Variants in PFKFB3 observed in about 807,000 individuals in gnomAD.
PFKFB3 encodes the protein 6-phosphofructo-2-kinase/fructose-2,6-bisphosphatase 3.
PFKFB3 carries 33 observed loss-of-function variants against 68.0 expected under a neutral mutation model. That is an observed-to-expected ratio of 0.49 (90% CI 0.37 to 0.65). The LOEUF (loss-of-function observed/expected upper bound fraction) is 0.65. Ranked by LOEUF, PFKFB3 falls within the 30% of genes least tolerant of loss-of-function variation. The pLI, the probability that PFKFB3 is intolerant of heterozygous loss-of-function variation, is 0.00. For synonymous variants in PFKFB3, 315 were observed against 288.2 expected (o/e 1.09, Z -0.94); for missense variants, 586 against 712.2 (o/e 0.82, Z 2.02).
In PFKFB3 at chr10:6,177,400, CTT is replaced by C. The variant is rs1842519885; in HGVS notation, c.16+32389_16+32390del. On this transcript the variant is annotated intron_variant, in intron 1 of 14. Coordinates refer to the PFKFB3 transcript ENST00000379789. ...TCTTTCTTTCTTTCTTTCTTTCTTT[CTT>C]TCTTTCTTCTTTCTCTTTCTTCCTT... Among the ~76,000 whole-genome samples the C allele has an allele frequency of 1.7e-3, 228 of 137,676 alleles. 1 individual carries two copies. The highest frequency in any genetic ancestry group is 0.015 in the Middle Eastern group (4 of 266). The allele number at this position is 137,676 out of a possible 152,430, so 90.3% of individuals were successfully genotyped here. A position where few individuals can be genotyped will look rare whatever the true frequency, so the allele number is the denominator to read the frequency against.
rs1295453323 is a variant in PFKFB3 at position 6,215,390 on chromosome 10, A to G, written c.299+73A>G. The G allele has an allele frequency of 1.2e-5, 14 of 1,130,402 alleles. No individual in the cohort carries two copies. The highest frequency in any genetic ancestry group is 1.7e-5 in the Non-Finnish European group (13 of 763,274). The allele number at this position is 1,130,402 out of a possible 1,614,324, so 70.0% of individuals were successfully genotyped here. ...GGCCGCGGGCATAAGGCTGGGCTGC[A>G]GGAGTAAGGCTGGGCCGCGGGCGTA... On this transcript the variant is annotated intron_variant, in intron 3 of 14. Transcript: ENST00000379775. This position sits in a 1 kb window ranked among gnomAD's most constrained non-coding sequence, Gnocchi z 4.3.
Position 6,233,066 on chromosome 10 carries a change from G to A in PFKFB3, c.*124G>A. 1.3e-6 allele frequency: 1 copy of A among 773,886 alleles called. No individual in the cohort carries two copies. Among genetic ancestry groups the A allele is most frequent in the Non-Finnish European group, 2.2e-6 (1 of 447,854 alleles). 47.9% of individuals were successfully genotyped at this position (773,886 alleles called of 1,614,324 possible). ...GAGGGTGGGGTGGAGCAGCGGGGGA[G>A]CCTTGGCCGAAGAGAACCATGCTTG... On this transcript the variant is annotated 3_prime_UTR_variant, in exon 15 of 15. Coordinates refer to ENST00000379775, the MANE Select transcript of PFKFB3 (RefSeq NM_004566.4).
At chr10:6,185,708 C>T (rs980052453) in intron 1 of PFKFB3, among the ~76,000 whole-genome samples, 9 of 136,620 alleles carry the variant, frequency 6.6e-5, no homozygotes, top group South Asian at 2.3e-4. Context: ...TGTGAGATTT[C>T]GGCTCACTGC....
the PFKFB3 span, among the ~76,000 whole-genome samples, chr10:6,269,832 A>G: frequency 6.6e-6 from 1 of 152,102 alleles, no homozygotes; most frequent in South Asian, 2.1e-4. Flanking sequence ...AGTTTTATCT[A>G]TTTATTTTGA....
upstream of PFKFB3, among the ~76,000 whole-genome samples, chr10:6,199,482 CTT>C (rs58813981): frequency 7.1e-6 from 1 of 141,570 alleles, no homozygotes; most frequent in Non-Finnish European, 1.5e-5. Context: ...CAGGCACTTG[CTT>C]TTTTTTTTTT....
chr10:6,274,748 A>T, the PFKFB3 span, among the ~76,000 whole-genome samples: 1 of 151,918 alleles, frequency 6.6e-6, no homozygotes, highest in Non-Finnish European at 1.5e-5. Context: ...AGGTGGGAGG[A>T]TCCCTCGAGC....
the PFKFB3 span, among the ~76,000 whole-genome samples, chr10:6,289,118 G>A: frequency 1.4e-5 from 2 of 144,534 alleles, no homozygotes; most frequent in Non-Finnish European, 1.5e-5. Flanking sequence ...TTTGTCAGAT[G>A]AGTAGGTTGC....
At chr10:6,279,381 C>T in the PFKFB3 span, among the ~76,000 whole-genome samples, 694 of 152,212 alleles carry the variant, frequency 4.6e-3, 8 homozygotes, top group African/African-American at 0.016. Context: ...TTTTCTGTGC[C>T]GCCAATCGGG....
At chr10:6,174,078 G>C (rs554907096) in intron 1 of PFKFB3, among the ~76,000 whole-genome samples, 23 of 152,168 alleles carry the variant, frequency 1.5e-4, no homozygotes, top group African/African-American at 5.5e-4. Flanking sequence ...GGCTTGAAGA[G>C]GCAAGTTCCA....
chr10:6,245,203 TCTC>T (rs1031586932), intron 14 of PFKFB3, among the ~76,000 whole-genome samples: 5 of 150,510 alleles, frequency 3.3e-5, no homozygotes, highest in African/African-American at 1.2e-4. Flanking sequence ...TTCAAGCAAT[TCTC>T]CTTCCTCAGC....
chr10:6,176,316 C>T (rs11599872), intron 1 of PFKFB3, among the ~76,000 whole-genome samples: 9,486 of 152,000 alleles, frequency 0.062, 334 homozygotes, highest in Admixed American at 0.09. Flanking sequence ...GTTTCTGTAG[C>T]GACCTGGTTG....
At chr10:6,207,089 C>T (rs887117830) in intron 1 of PFKFB3, among the ~76,000 whole-genome samples, 2 of 152,148 alleles carry the variant, frequency 1.3e-5, no homozygotes, top group Non-Finnish European at 2.9e-5. Flanking sequence ...AGGCAGGCGG[C>T]TGGGAGGTGG....
At chr10:6,314,117 A>C in the PFKFB3 span, among the ~76,000 whole-genome samples, 1 of 152,258 alleles carries the variant, frequency 6.6e-6, no homozygotes, top group Non-Finnish European at 1.5e-5. Context: ...TTGCCTATGA[A>C]TAGAGTATTC....
upstream of PFKFB3, among the ~76,000 whole-genome samples, chr10:6,201,360 G>C (rs1468710935): frequency 6.6e-6 from 1 of 152,006 alleles, no homozygotes; most frequent in Non-Finnish European, 1.5e-5. The surrounding 1 kb of genome is among the most constrained non-coding windows in gnomAD (Gnocchi z 4.1). Flanking sequence ...GCCAGAGCGC[G>C]GAAACCAGAC....
chr10:6,292,835 CG>C, the PFKFB3 span, among the ~76,000 whole-genome samples: 1 of 152,074 alleles, frequency 6.6e-6, no homozygotes, highest in Non-Finnish European at 1.5e-5. Context: ...ATCAGGTTTC[CG>C]GAAAAGCAAC....
upstream of PFKFB3, among the ~76,000 whole-genome samples, chr10:6,198,221 G>A (rs1249395659): frequency 6.9e-6 from 1 of 144,474 alleles, no homozygotes; most frequent in African/African-American, 2.6e-5. Flanking sequence ...ACTCCAACCA[G>A]GGTGATAGCA....
At chr10:6,179,708 A>G (rs1184108192) in intron 1 of PFKFB3, among the ~76,000 whole-genome samples, 1 of 152,164 alleles carries the variant, frequency 6.6e-6, no homozygotes, top group Non-Finnish European at 1.5e-5. Context: ...CAAGGTGCCA[A>G]GGCTGCGGCA....
intron 1 of PFKFB3, among the ~76,000 whole-genome samples, chr10:6,185,754 C>T (rs1173039874): frequency 2.0e-5 from 3 of 150,934 alleles, no homozygotes; most frequent in Admixed American, 6.6e-5. Context: ...ATTTTCCTGC[C>T]TCAGCCTCCC....
At chr10:6,152,222 C>T (rs1011650771) in intron 1 of PFKFB3, 1 of 153,966 alleles carries the variant, frequency 6.5e-6, no homozygotes, top group South Asian at 2.0e-4. Context: ...CACTGCAGAG[C>T]CTGGGGAGCC....
Sources: gnomAD v4.1 joint callset for allele counts (sites outside exome capture counted in the v4.1 genomes callset) on GRCh38, gnomAD v4.1.1 for gene constraint, Gnocchi (gnomAD v3.1) non-coding constraint, MANE v1.5 for transcripts, NCBI Gene and HGNC (gene_info 2026-07-23, HGNC 2026-07-21) for gene names.